Variants in TBC1D22B observed in about 807,000 individuals in gnomAD.
The protein encoded by TBC1D22B is TBC1 domain family member 22B.
A neutral mutation model predicts 69.1 loss-of-function variants in TBC1D22B; 32 were observed. The ratio of observed to expected loss-of-function variants is 0.46; its 90% CI spans 0.35 to 0.62. The LOEUF (loss-of-function observed/expected upper bound fraction) is 0.62, where lower values mean the gene tolerates loss of function less well. Among genes scored for constraint, TBC1D22B ranks in the 20% least tolerant of loss-of-function variants. The pLI, the probability that TBC1D22B is intolerant of heterozygous loss-of-function variation, is 0.00. For missense variants in TBC1D22B, 462 were observed against 630.9 expected, an observed-to-expected ratio of 0.73 and a Z score of 2.87; for synonymous variants, 206 against 229.8, an observed-to-expected ratio of 0.90 and a Z score of 0.94.
In TBC1D22B at chr6:37,332,808, T is replaced by G. The variant is rs539927284; in HGVS notation, c.*1636T>G. The stretch of plus-strand genomic sequence containing the variant: ...CCTTCGGTGTGCCTCAGTGGTCTCC[T>G]TCATAGAGTGAGAGGGCTTGAGACC... On this transcript the variant is annotated 3_prime_UTR_variant, in exon 13 of 13. Transcript: ENST00000373491. 1.3e-5 allele frequency: 2 copies of G among 152,798 alleles called. No individual in the cohort carries two copies. Among genetic ancestry groups the G allele is most frequent in the East Asian group, 3.9e-4 (2 of 5,194 alleles). 9.5% of individuals were successfully genotyped at this position (152,798 alleles called of 1,614,324 possible).
chr6:37,310,956 T>C (rs1229720509), intron 8 of TBC1D22B, among the ~76,000 whole-genome samples: 1 of 152,260 alleles, frequency 6.6e-6, no homozygotes, highest in Non-Finnish European at 1.5e-5. Flanking sequence ...TGAGATGTTT[T>C]GTCTTTCCTC....
chr6:37,257,851 G>A lies in TBC1D22B; in HGVS notation c.-67G>A, dbSNP rs1443716433. On this transcript the variant is annotated 5_prime_UTR_variant, in exon 1 of 13. Transcript: ENST00000373491. ...CGGCCTGGGTTGGCCCTCAGATTGC[G>A]GGGTCTGGGGGCATCTCGCCGGGCA... 8 of 1,561,012 alleles carry A rather than the reference G, an allele frequency of 5.1e-6. No homozygotes were observed. The highest frequency in any genetic ancestry group is 3.7e-4 in the Middle Eastern group (2 of 5,446).
intron 8 of TBC1D22B, among the ~76,000 whole-genome samples, chr6:37,311,424 C>T (rs548643628): frequency 2.6e-5 from 4 of 152,144 alleles, no homozygotes; most frequent in African/African-American, 4.8e-5. Flanking sequence ...GTAATCCTAG[C>T]ACTTTGTGAG....
intron 1 of TBC1D22B, among the ~76,000 whole-genome samples, chr6:37,267,210 C>T (rs964795453): frequency 2.7e-5 from 4 of 150,636 alleles, no homozygotes; most frequent in African/African-American, 9.7e-5. Context: ...CCTGGGATTA[C>T]AGATGTGAGC....
intron 2 of TBC1D22B, among the ~76,000 whole-genome samples, chr6:37,272,486 G>A (rs1011267272): frequency 2.6e-5 from 4 of 150,970 alleles, no homozygotes; most frequent in East Asian, 2.0e-4. Flanking sequence ...CTCAGCTCCC[G>A]CATGCCTCAC....
At chr6:37,302,679 C>G (rs148387675) in intron 8 of TBC1D22B, among the ~76,000 whole-genome samples, 96 of 152,298 alleles carry the variant, frequency 6.3e-4, no homozygotes, top group African/African-American at 2.2e-3. Context: ...TACCTGGAAG[C>G]ATGACAGCAG....
At chr6:37,319,917 A>C (rs1562067242) in intron 12 of TBC1D22B, among the ~76,000 whole-genome samples, 1 of 152,216 alleles carries the variant, frequency 6.6e-6, no homozygotes. Context: ...CATGTATCCT[A>C]ACTGCTGAAG....
At chr6:37,305,758 G>A (rs1767696658) in intron 8 of TBC1D22B, among the ~76,000 whole-genome samples, 1 of 152,152 alleles carries the variant, frequency 6.6e-6, no homozygotes, top group Non-Finnish European at 1.5e-5. Flanking sequence ...CTGACCTCGT[G>A]ATCCACCCGT....
chr6:37,316,835 G>A lies in TBC1D22B; in HGVS notation c.1293+5G>A. 1.9e-6 allele frequency: 3 copies of A among 1,614,100 alleles called. No homozygotes were observed. The highest frequency in any genetic ancestry group is 2.5e-6 in the Non-Finnish European group (3 of 1,180,016). ...CGCCTGTGGGACACATATCAGGTAG[G>A]AGGGATTCCCCGGCCTCTCTGTGCC... On this transcript the variant is annotated splice_donor_5th_base_variant and intron_variant, in intron 11 of 12. Coordinates refer to ENST00000373491, the MANE Select transcript of TBC1D22B (RefSeq NM_017772.4).
chr6:37,264,589 T>C (rs1333528020), intron 1 of TBC1D22B, among the ~76,000 whole-genome samples: 3 of 152,188 alleles, frequency 2.0e-5, no homozygotes, highest in Non-Finnish European at 4.4e-5. Flanking sequence ...GGGATTACAG[T>C]GCCCAGCCCT....
At chr6:37,279,708 T>C in intron 3 of TBC1D22B, 97 bp downstream of exon 3, 2 of 1,288,540 alleles carry the variant, frequency 1.6e-6, no homozygotes, top group South Asian at 1.5e-5. Context: ...CAGGTAGATA[T>C]TCAACTGGGC....
chr6:37,320,291 A>G (rs1241156611), intron 12 of TBC1D22B, among the ~76,000 whole-genome samples: 1 of 152,130 alleles, frequency 6.6e-6, no homozygotes, highest in African/African-American at 2.4e-5. Context: ...CAGCTCTCAC[A>G]CTTTCCTAAA....
rs1377219455 is a variant in TBC1D22B, at chr6:37,305,494, C to T, written c.983-7424C>T. 1.6e-4 allele frequency among the ~76,000 whole-genome samples: 24 copies of T among 150,294 alleles called. No homozygotes were observed. The Admixed American group carries it at 1.6e-3, about 10-fold the overall frequency. ...ACAAGGGTAACTACTTTACTGATTT[C>T]TAACACCTAGATTAGTTTTGCCTAT... is the stretch of plus-strand genomic sequence containing the variant. On this transcript the variant is annotated intron_variant, in intron 8 of 12. Transcript: ENST00000373491.
Position 37,266,126 on chromosome 6 carries a change from A to T in TBC1D22B, c.57-3468A>T, listed in dbSNP as rs534562920. Among the ~76,000 whole-genome samples the T allele has an allele frequency of 2.0e-5, 3 of 152,312 alleles. No homozygotes were observed. The South Asian group carries it at 6.2e-4, about 32-fold the overall frequency. The stretch of plus-strand genomic sequence containing the variant: ...TAAAGGGCTTTCAACATATCGTCCC[A>T]CTTAAACCTTCTAACCTTCTCAAGA... On this transcript the variant is annotated intron_variant, in intron 1 of 12. Coordinates refer to ENST00000373491, the MANE Select transcript of TBC1D22B (RefSeq NM_017772.4).
intron 1 of TBC1D22B, among the ~76,000 whole-genome samples, chr6:37,261,944 AGTGTGTGTGTGTGTGTGTGTGTGTGT>A (rs70977641): frequency 2.2e-4 from 26 of 118,788 alleles, no homozygotes; most frequent in East Asian, 4.9e-4. Context: ...AGCTTTGGTC[AGTGTGTGTGTGTGTGTGTGTGTGTGT>A]GTGTGTGTGT....
rs34996865 is a variant in TBC1D22B at position 37,298,539 on chromosome 6, G to GTTTTTTTTTTTTTT, written c.982+7193_982+7206dup. Reference sequence around the variant, plus strand: ...TAGAAGAACATTTAAGTTGCCTACAGTTTTTTTTTTTTTTTTTTTTTTTTG... The same window carrying GTTTTTTTTTTTTTT: ...TAGAAGAACATTTAAGTTGCCTACAGTTTTTTTTTTTTTTTTTTTTTTTTTTTTTTTTTTTTTTG... On this transcript the variant is annotated intron_variant, in intron 8 of 12. Coordinates refer to ENST00000373491, the MANE Select transcript of TBC1D22B (RefSeq NM_017772.4). Among the ~76,000 whole-genome samples, 48 of 71,254 alleles carry GTTTTTTTTTTTTTT rather than the reference G, an allele frequency of 6.7e-4. 2 individuals carry two copies. Among genetic ancestry groups the GTTTTTTTTTTTTTT allele is most frequent in the African/African-American group, 2.8e-3 (46 of 16,300 alleles). The allele number at this position is 71,254 out of a possible 152,430, so 46.7% of individuals were successfully genotyped here.
At chr6:37,311,784 G>A (rs1767919282) in intron 8 of TBC1D22B, among the ~76,000 whole-genome samples, 1 of 152,246 alleles carries the variant, frequency 6.6e-6, no homozygotes, top group Admixed American at 6.5e-5. Context: ...TTCCAGAATA[G>A]GGGTTGTGGG....
At position 37,282,284 on chromosome 6, in the gene TBC1D22B, G is replaced by C; in HGVS notation, c.521G>C (p.Gly174Ala). ...VARISDQNAS[G>A]APPMTVREKT... ...CGGATCTCGGATCAGAACGCTTCTG[G>C]GGCCCCCCCAATGACTGTCCGGGAG... The change falls in exon 4 of 13, where the codon GGG becomes GCG. Residue 174 changes from glycine to alanine, a missense_variant. By Grantham distance (60) the Gly-to-Ala change is moderately conservative. This residue lies in a region of TBC1D22B where 237 missense variants were observed against 255.4 expected (regional missense o/e 0.93). Coordinates refer to ENST00000373491, the MANE Select transcript of TBC1D22B (RefSeq NM_017772.4). The C allele has an allele frequency of 6.2e-7, 1 of 1,614,054 alleles. No homozygotes were observed. Among genetic ancestry groups the C allele is most frequent in the Non-Finnish European group, 8.5e-7 (1 of 1,180,006 alleles).
chr6:37,258,334 A>G (rs1765910972), intron 1 of TBC1D22B, among the ~76,000 whole-genome samples: 1 of 152,130 alleles, frequency 6.6e-6, no homozygotes, highest in Non-Finnish European at 1.5e-5. Flanking sequence ...ACTCCCTCTC[A>G]GGGGTCTCCA....
Sources: gnomAD v4.1 joint callset for allele counts (sites outside exome capture counted in the v4.1 genomes callset) on GRCh38, gnomAD v4.1.1 for gene constraint, gnomAD v4.1.1 regional missense constraint, MANE v1.5 for transcripts, NCBI Gene and HGNC (gene_info 2026-07-23, HGNC 2026-07-21) for gene names.